Variants in DGKB observed in about 807,000 individuals in gnomAD.
DGKB encodes diacylglycerol kinase beta.
A neutral mutation model predicts 114.3 loss-of-function variants in DGKB; 67 were observed. The ratio of observed to expected loss-of-function variants is 0.59; its 90% CI spans 0.48 to 0.72. DGKB has a LOEUF of 0.72. DGKB is among the 30% of genes least tolerant of loss of function. The pLI is 0.00. For missense variants in DGKB, 907 were observed against 975.2 expected (o/e 0.93, Z 0.93); for synonymous variants, 398 against 323.1 (o/e 1.23, Z -2.49).
Position 14,694,154 on chromosome 7 carries a change from T to A in DGKB, c.632A>T (p.Asp211Val). ...CCATTCCTCCAGAGACACGGTTCCA[T>A]CATGATCATAGTCAATTTCTTCCAT... ...EMMEEIDYDHDGTVSLEEWIQ... is the reference protein window; with the variant it reads ...EMMEEIDYDHVGTVSLEEWIQ... The change falls in exon 9 of 26, where the codon GAT (aspartate) becomes GTT (valine). Residue 211 changes from aspartate to valine, a missense_variant. By Grantham distance (152) the Asp-to-Val change is radical (BLOSUM62 -3). Transcript: ENST00000402815. 1.3e-6 allele frequency: 2 copies of A among 1,585,314 alleles called. No homozygotes were observed. Among genetic ancestry groups the A allele is most frequent in the Non-Finnish European group, 1.7e-6 (2 of 1,163,900 alleles).
At position 14,259,401 on chromosome 7, in the gene DGKB, CTCTCTCTA is replaced by C. The variant is rs777972876; in HGVS notation, c.2122+79106_2122+79113del. On this transcript the variant is annotated intron_variant, in intron 23 of 25. Coordinates refer to ENST00000402815, the MANE Select transcript of DGKB (RefSeq NM_001350709.2). ...AGTTTCTCTCTCTCTCTCTCTCTCTCTCTCTCTATATATATATATATATATATGGTTTT... is the reference window on the plus strand; with the variant it reads ...AGTTTCTCTCTCTCTCTCTCTCTCTCTATATATATATATATATATGGTTTT... Among the ~76,000 whole-genome samples, 239 of 102,710 alleles carry C rather than the reference CTCTCTCTA, an allele frequency of 2.3e-3. 1 individual carries two copies. Among genetic ancestry groups the C allele is most frequent in the African/African-American group, 6.4e-3 (179 of 27,764 alleles). 67.4% of individuals were successfully genotyped at this position (102,710 alleles called of 152,430 possible).
chr7:14,637,793 T>G (rs1208014690), intron 13 of DGKB, among the ~76,000 whole-genome samples: 1 of 151,870 alleles, frequency 6.6e-6, no homozygotes, highest in Non-Finnish European at 1.5e-5. Flanking sequence ...TAACCTAAAA[T>G]TTTTTTAGAA....
intron 8 of DGKB, 59 bp downstream of exon 8, chr7:14,698,017 GAGAAAGAAAGAAAGAAAGA>G (rs1824374293): frequency 3.0e-6 from 2 of 675,742 alleles, no homozygotes; most frequent in Admixed American, 3.0e-5. Flanking sequence ...AAGAAAGAAA[GAGAAAGAAAGAAAGAAAGA>G]AAAGAAAGAA....
chr7:14,536,756 G>A (rs1397454925), intron 20 of DGKB, among the ~76,000 whole-genome samples: 1 of 151,856 alleles, frequency 6.6e-6, no homozygotes, highest in African/African-American at 2.4e-5. Context: ...TTTCCTCTAA[G>A]ATGTGAAAGA....
chr7:14,408,937 A>G (rs1160493797), intron 21 of DGKB, among the ~76,000 whole-genome samples: 1 of 152,160 alleles, frequency 6.6e-6, no homozygotes, highest in Non-Finnish European at 1.5e-5. Context: ...TGTAGATGCT[A>G]GTTTAGTTTA....
chr7:14,323,704 C>T (rs73263925), intron 23 of DGKB, among the ~76,000 whole-genome samples: 3,666 of 152,120 alleles, frequency 0.024, 131 homozygotes, highest in African/African-American at 0.082. Flanking sequence ...GATGAGTATC[C>T]GAAAGCCTAC....
At chr7:14,310,558 A>C (rs1416990340) in intron 23 of DGKB, among the ~76,000 whole-genome samples, 3 of 152,176 alleles carry the variant, frequency 2.0e-5, no homozygotes, top group Non-Finnish European at 4.4e-5. Flanking sequence ...TCAAGAATGG[A>C]TAATCAGGAG....
intron 18 of DGKB, among the ~76,000 whole-genome samples, chr7:14,582,227 T>C (rs868200293): frequency 6.6e-6 from 1 of 152,208 alleles, no homozygotes. Flanking sequence ...TTGTTTTGGA[T>C]TTATTTCCTC....
chr7:14,460,900 C>G (rs1584114624), intron 21 of DGKB, among the ~76,000 whole-genome samples: 1 of 152,158 alleles, frequency 6.6e-6, no homozygotes, highest in East Asian at 1.9e-4. Context: ...TCATAACAGT[C>G]TCTCAGACCA....
chr7:14,240,633 C>G (rs1793501941), intron 23 of DGKB, among the ~76,000 whole-genome samples: 1 of 152,044 alleles, frequency 6.6e-6, no homozygotes, highest in South Asian at 2.1e-4. Context: ...CTTTTCTTCC[C>G]TCCCCAAGAG....
rs111321019 is a variant in DGKB, at chr7:14,171,422, G to A, written c.2304+5417C>T. ...GTAATTTTGCATTAAAATCTTGTTGGCACTACTTTTCATAAATGTGTCATG... is the reference window on the plus strand; with the variant it reads ...GTAATTTTGCATTAAAATCTTGTTGACACTACTTTTCATAAATGTGTCATG... On this transcript the variant is annotated intron_variant, in intron 25 of 25. Coordinates refer to ENST00000402815, the MANE Select transcript of DGKB (RefSeq NM_001350709.2). 2.9e-3 allele frequency among the ~76,000 whole-genome samples: 436 copies of A among 152,102 alleles called. 3 individuals are homozygous for A. Among genetic ancestry groups the A allele is most frequent in the African/African-American group, 0.01 (421 of 41,486 alleles).
At chr7:14,314,736 A>T (rs1194276687) in intron 23 of DGKB, among the ~76,000 whole-genome samples, 4 of 151,808 alleles carry the variant, frequency 2.6e-5, no homozygotes, top group African/African-American at 4.8e-5. Flanking sequence ...GAATTTCCCC[A>T]ATCTAGCAAG....
chr7:14,535,064 A>T (rs1008995351), intron 20 of DGKB, among the ~76,000 whole-genome samples: 2 of 152,200 alleles, frequency 1.3e-5, no homozygotes, highest in African/African-American at 4.8e-5. Context: ...ATGGCAATAA[A>T]TATCTCTTTT....
At chr7:14,682,417 G>C in intron 12 of DGKB, 136 bp downstream of exon 12, 1 of 650,518 alleles carries the variant, frequency 1.5e-6, no homozygotes, top group East Asian at 2.6e-5. Context: ...CAAACAAGCT[G>C]AAATGAGAAG....
At chr7:14,295,779 A>T (rs1008453413) in intron 23 of DGKB, among the ~76,000 whole-genome samples, 1 of 152,046 alleles carries the variant, frequency 6.6e-6, no homozygotes, top group Non-Finnish European at 1.5e-5. Flanking sequence ...ATAGGTATAC[A>T]TGTGCCATGG....
At chr7:14,895,428 C>T (rs1432100742) in intron 1 of DGKB, among the ~76,000 whole-genome samples, 2 of 151,454 alleles carry the variant, frequency 1.3e-5, no homozygotes, top group Non-Finnish European at 3.0e-5. Flanking sequence ...GGTCCTTATG[C>T]CTCCTGAAAC....
intron 1 of DGKB, among the ~76,000 whole-genome samples, chr7:14,949,468 TA>T (rs1261959965): frequency 6.6e-6 from 1 of 151,600 alleles, no homozygotes; most frequent in Non-Finnish European, 1.5e-5. Context: ...AGTCAAAAAA[TA>T]AAGAGGAAAA....
intron 21 of DGKB, among the ~76,000 whole-genome samples, chr7:14,459,479 G>A (rs1216144840): frequency 3.3e-5 from 5 of 152,092 alleles, no homozygotes; most frequent in African/African-American, 7.2e-5. Context: ...TAGTTGAACT[G>A]ATCAAGTGGA....
chr7:14,597,563 C>A (rs1802800017), intron 17 of DGKB, among the ~76,000 whole-genome samples: 1 of 152,018 alleles, frequency 6.6e-6, no homozygotes, highest in Admixed American at 6.6e-5. Context: ...TAATATAATT[C>A]AAGTTGTAGA....
Sources: allele counts gnomAD v4.1 joint callset (sites outside exome capture counted in the v4.1 genomes callset), GRCh38; gene constraint gnomAD v4.1.1; transcripts MANE v1.5; gene names NCBI Gene and HGNC (gene_info 2026-07-23, HGNC 2026-07-21).